Variants in SLC39A12 observed in about 807,000 individuals in gnomAD.
SLC39A12 encodes solute carrier family 39 member 12.
A neutral mutation model predicts 71.1 loss-of-function variants in SLC39A12; 63 were observed. The ratio of observed to expected loss-of-function variants is 0.89; its 90% CI spans 0.72 to 1.09. SLC39A12 has a LOEUF of 1.09. Among genes scored for constraint, SLC39A12 ranks in the 50% least tolerant of loss-of-function variants. The pLI is 0.00. For missense variants in SLC39A12, 892 were observed against 812.6 expected, an observed-to-expected ratio of 1.10 and a Z score of -1.19; for synonymous variants, 351 against 301.3, an observed-to-expected ratio of 1.16 and a Z score of -1.71.
At chr10:18,036,933 C>T (rs11012311) in intron 12 of SLC39A12, among the ~76,000 whole-genome samples, 14,218 of 150,454 alleles carry the variant, frequency 0.095, 1,047 homozygotes, top group East Asian at 0.2. Context: ...ATGACAGGCA[C>T]CCGCCACCAT....
chr10:17,982,941 A>G (rs1324646237), intron 6 of SLC39A12, among the ~76,000 whole-genome samples: 1 of 152,102 alleles, frequency 6.6e-6, no homozygotes, highest in East Asian at 1.9e-4. Context: ...CTGTAATCCC[A>G]GCACTTCGGG....
chr10:18,036,822 T>A (rs112105776), intron 12 of SLC39A12, among the ~76,000 whole-genome samples: 11,024 of 124,774 alleles, frequency 0.088, 1,085 homozygotes, highest in African/African-American at 0.22. Flanking sequence ...ATCTCACTCT[T>A]GTCGCCTAGC....
chr10:17,955,933 C>G (rs1464437811), intron 2 of SLC39A12, among the ~76,000 whole-genome samples: 1 of 152,044 alleles, frequency 6.6e-6, no homozygotes, highest in African/African-American at 2.4e-5. Context: ...GAACCATAAC[C>G]CTACACATGT....
intron 6 of SLC39A12, among the ~76,000 whole-genome samples, chr10:17,983,734 A>G (rs1465048867): frequency 6.6e-6 from 1 of 151,912 alleles, no homozygotes; most frequent in Non-Finnish European, 1.5e-5. Flanking sequence ...GTGAGCCAAG[A>G]TTGCACCATT....
intron 5 of SLC39A12, 48 bp from the exon 6 acceptor site, chr10:17,981,264 G>A (rs774006961): frequency 6.6e-7 from 1 of 1,512,056 alleles, no homozygotes; most frequent in African/African-American, 1.4e-5. Context: ...GGAGAATCTA[G>A]TTTAAATATG....
At chr10:17,990,586 C>G (rs549049008) in intron 7 of SLC39A12, among the ~76,000 whole-genome samples, 1 of 152,046 alleles carries the variant, frequency 6.6e-6, no homozygotes, top group Non-Finnish European at 1.5e-5. Context: ...AAATTCCCAA[C>G]ACATTTCTCA....
intron 4 of SLC39A12, among the ~76,000 whole-genome samples, chr10:17,966,931 GCCACTGCACT>G (rs1467209186): frequency 6.6e-6 from 1 of 151,468 alleles, no homozygotes; most frequent in Non-Finnish European, 1.5e-5. Flanking sequence ...TCGAGATTGC[GCCACTGCACT>G]CCACCTTTCA....
At chr10:18,003,397 C>T in intron 12 of SLC39A12, 39 bp downstream of exon 12, 1 of 1,548,774 alleles carries the variant, frequency 6.5e-7, no homozygotes, top group Non-Finnish European at 8.7e-7. Context: ...TTTCTAAGCA[C>T]TGAAAATGTA....
chr10:17,961,065 G>A (rs1205617633), intron 2 of SLC39A12, among the ~76,000 whole-genome samples: 1 of 152,142 alleles, frequency 6.6e-6, no homozygotes, highest in Admixed American at 6.5e-5. Context: ...TTAGGAAGGT[G>A]TTGTGAGAGG....
At chr10:17,988,249 A>G (rs1835455429) in intron 7 of SLC39A12, among the ~76,000 whole-genome samples, 1 of 152,198 alleles carries the variant, frequency 6.6e-6, no homozygotes, top group Admixed American at 6.5e-5. Context: ...CGAAGGTTGC[A>G]GTGAGCAAAG....
intron 12 of SLC39A12, among the ~76,000 whole-genome samples, chr10:18,012,577 T>C (rs2130863171): frequency 6.6e-6 from 1 of 152,154 alleles, no homozygotes; most frequent in South Asian, 2.1e-4. Flanking sequence ...CTGCAGACTA[T>C]TGAAAGGGTG....
At chr10:18,001,736 T>A (rs1835839711) in intron 11 of SLC39A12, 1 of 152,172 alleles carries the variant, frequency 6.6e-6, no homozygotes, top group Non-Finnish European at 1.5e-5. Context: ...ACATGCGATG[T>A]TTTGATACAG....
At chr10:17,996,800 A>G (rs1465963717) in intron 10 of SLC39A12, among the ~76,000 whole-genome samples, 1 of 152,042 alleles carries the variant, frequency 6.6e-6, no homozygotes, top group Non-Finnish European at 1.5e-5. Flanking sequence ...GATCGAGACC[A>G]TCCTGGCTAA....
intron 12 of SLC39A12, chr10:18,010,699 G>A (rs7906425): frequency 0.63 from 95,841 of 152,032 alleles, 31,062 homozygotes; most frequent in African/African-American, 0.78. Flanking sequence ...TCTACTCCTC[G>A]TTCCTCTTTT....
At chr10:17,983,017 C>A (rs1009307564) in intron 6 of SLC39A12, among the ~76,000 whole-genome samples, 1 of 150,958 alleles carries the variant, frequency 6.6e-6, no homozygotes. Context: ...AGTGAAACCC[C>A]GTCTCTACTA....
At position 18,029,904 on chromosome 10, in the gene SLC39A12, C is replaced by T. The variant is rs549470295; in HGVS notation, c.1948-12801C>T. ...GCTAAAATGATGGAAAAAATATATA[C>T]ATATATGGAGATTAAGAGAAGGTGG... On this transcript the variant is annotated intron_variant, in intron 12 of 12. Coordinates refer to ENST00000377369, the MANE Select transcript of SLC39A12 (RefSeq NM_001145195.2). 1.1e-4 allele frequency among the ~76,000 whole-genome samples: 17 copies of T among 151,022 alleles called. No individual in the cohort carries two copies. The South Asian group carries it at 3.6e-3, about 32-fold the overall frequency.
At chr10:17,963,233 C>T (rs1265077858) in intron 3 of SLC39A12, among the ~76,000 whole-genome samples, 1 of 151,994 alleles carries the variant, frequency 6.6e-6, no homozygotes, top group Non-Finnish European at 1.5e-5. Flanking sequence ...TCTACCTAAA[C>T]CAGGAGGCGT....
At chr10:17,954,476 A>C (rs566212035) in intron 2 of SLC39A12, among the ~76,000 whole-genome samples, 216 of 152,120 alleles carry the variant, frequency 1.4e-3, no homozygotes, top group African/African-American at 4.9e-3. Flanking sequence ...GGCTGGTCTC[A>C]AACTCCTGAC....
chr10:17,995,901 A>G (rs1835671079), intron 10 of SLC39A12, among the ~76,000 whole-genome samples, 179 bp downstream of exon 10: 1 of 152,244 alleles, frequency 6.6e-6, no homozygotes, highest in African/African-American at 2.4e-5. Flanking sequence ...AATTGACTAC[A>G]TATTCATATC....
Sources: allele counts gnomAD v4.1 joint callset (sites outside exome capture counted in the v4.1 genomes callset), GRCh38; gene constraint gnomAD v4.1.1; transcripts MANE v1.5; gene names NCBI Gene and HGNC (gene_info 2026-07-23, HGNC 2026-07-21).